LIMA1: variants seen among roughly 807,000 people sequenced by gnomAD.
LIMA1 encodes LIM domain and actin binding 1.
LIMA1 carries 52 observed loss-of-function variants against 62.6 expected under a neutral mutation model. The ratio of observed to expected loss-of-function variants is 0.83; its 90% confidence interval spans 0.67 to 1.05. The LOEUF (loss-of-function observed/expected upper bound fraction) is 1.05, where lower values mean the gene tolerates loss of function less well. Among genes scored for constraint, LIMA1 ranks in the 50% least tolerant of loss-of-function variants. The probability of loss-of-function intolerance (pLI) is 0.00; values close to 1 mark genes in which losing one functional copy is unlikely to be tolerated. For synonymous variants in LIMA1, 302 were observed against 317.8 expected (o/e 0.95, Z 0.53); for missense variants, 780 against 902.2 (o/e 0.86, Z 1.74).
intron 1 of LIMA1, among the ~76,000 whole-genome samples, chr12:50,282,521 T>TTTTA (rs1489399867): frequency 2.0e-5 from 3 of 152,176 alleles, no homozygotes; most frequent in Admixed American, 6.5e-5. Flanking sequence ...TATCTTTTAT[T>TTTTA]TTTATTTATT....
At chr12:50,270,797 C>T (rs1381733396) in intron 1 of LIMA1, among the ~76,000 whole-genome samples, 1 of 151,886 alleles carries the variant, frequency 6.6e-6, no homozygotes, top group African/African-American at 2.4e-5. Context: ...AAAAGAGTAA[C>T]CCCAGTTACA....
At chr12:50,255,682 C>G (rs1451230767) in intron 1 of LIMA1, among the ~76,000 whole-genome samples, 5 of 150,098 alleles carry the variant, frequency 3.3e-5, no homozygotes, top group Admixed American at 2.6e-4. Flanking sequence ...ACCTCTCTTC[C>G]CAATTTGAAT....
At chr12:50,185,906 T>A (rs1367874688) in intron 9 of LIMA1, 2 of 158,134 alleles carry the variant, frequency 1.3e-5, no homozygotes, top group Non-Finnish European at 2.8e-5. Context: ...ATTTCTCACA[T>A]CAACCCTTTT....
At position 50,178,014 on chromosome 12, in the gene LIMA1, G is replaced by T; in HGVS notation, c.1330C>A (p.Gln444Lys). The change falls in exon 11 of 11, where the codon CAA becomes AAA. Residue 444 changes from glutamine to lysine, a missense_variant. Coordinates refer to ENST00000341247, the MANE Select transcript of LIMA1 (RefSeq NM_016357.5). The part of the protein sequence containing the change: ...GRIYCKPHFN[Q>K]LFKSKGNYDE... ...TAGTTGCCCTTAGATTTAAAGAGTTGATTGAAGTGAGGCTTACAATAGATT... is the reference window on the plus strand; with the variant it reads ...TAGTTGCCCTTAGATTTAAAGAGTTTATTGAAGTGAGGCTTACAATAGATT... The T allele has an allele frequency of 6.3e-7, 1 of 1,586,340 alleles. No individual in the cohort carries two copies. Among genetic ancestry groups the T allele is most frequent in the African/African-American group, 1.4e-5 (1 of 73,554 alleles).
chr12:50,271,024 G>A (rs1272701311), intron 1 of LIMA1, among the ~76,000 whole-genome samples: 2 of 152,242 alleles, frequency 1.3e-5, no homozygotes, highest in African/African-American at 2.4e-5. Flanking sequence ...CCCAGGAGGC[G>A]GAGCTTGCAG....
At chr12:50,212,668 C>T (rs1941278440) in intron 4 of LIMA1, among the ~76,000 whole-genome samples, 1 of 151,444 alleles carries the variant, frequency 6.6e-6, no homozygotes, top group East Asian at 1.9e-4. Flanking sequence ...AATGGTAAAA[C>T]CAAATGCTAA....
At chr12:50,208,213 C>T (rs144889083) in intron 4 of LIMA1, among the ~76,000 whole-genome samples, 1,819 of 152,032 alleles carry the variant, frequency 0.012, 15 homozygotes, top group Non-Finnish European at 0.018. Context: ...AGACTGGGCA[C>T]GGTGGCTCAC....
intron 1 of LIMA1, among the ~76,000 whole-genome samples, chr12:50,252,648 G>A (rs1465204763): frequency 2.6e-5 from 4 of 150,986 alleles, no homozygotes; most frequent in Admixed American, 1.3e-4. Flanking sequence ...TAAGGAGTTT[G>A]GGCCATATTT....
intron 2 of LIMA1, among the ~76,000 whole-genome samples, chr12:50,233,131 C>T (rs1385726835): frequency 6.6e-6 from 1 of 152,156 alleles, no homozygotes; most frequent in East Asian, 1.9e-4. Flanking sequence ...ACAAGATCCC[C>T]GTGGATAAGG....
intron 4 of LIMA1, among the ~76,000 whole-genome samples, chr12:50,209,218 A>C (rs925027232): frequency 1.3e-5 from 2 of 152,014 alleles, no homozygotes; most frequent in African/African-American, 4.8e-5. Flanking sequence ...ATGAATTATT[A>C]TACATCCATA....
At chr12:50,269,852 G>A (rs1030179177) in intron 1 of LIMA1, among the ~76,000 whole-genome samples, 10 of 150,454 alleles carry the variant, frequency 6.6e-5, no homozygotes, top group Non-Finnish European at 1.0e-4. Flanking sequence ...CCTGGGAGGC[G>A]GGGGTTGCAG....
chr12:50,252,173 A>G (rs527573795), intron 1 of LIMA1, among the ~76,000 whole-genome samples: 2 of 152,290 alleles, frequency 1.3e-5, no homozygotes, highest in South Asian at 2.1e-4. Context: ...ATGACTTGGG[A>G]CTTAAAGAAC....
At chr12:50,209,353 T>C (rs1319443798) in intron 4 of LIMA1, among the ~76,000 whole-genome samples, 1 of 151,798 alleles carries the variant, frequency 6.6e-6, no homozygotes, top group Non-Finnish European at 1.5e-5. Flanking sequence ...GTGGATCTCT[T>C]GAGGTCAAGA....
chr12:50,267,397 T>C (rs1942152501), intron 1 of LIMA1, among the ~76,000 whole-genome samples: 1 of 151,716 alleles, frequency 6.6e-6, no homozygotes, highest in South Asian at 2.1e-4. Flanking sequence ...TGTATTTTTT[T>C]TTAGAGATAG....
intron 4 of LIMA1, among the ~76,000 whole-genome samples, chr12:50,221,350 C>A (rs2138553151): frequency 6.6e-6 from 1 of 152,276 alleles, no homozygotes; most frequent in South Asian, 2.1e-4. Context: ...GCATATGTAA[C>A]TCATTTTCTA....
intron 8 of LIMA1, among the ~76,000 whole-genome samples, chr12:50,194,097 C>A (rs1940872508): frequency 6.6e-6 from 1 of 150,716 alleles, no homozygotes; most frequent in Admixed American, 6.6e-5. Context: ...AAGCAATTCT[C>A]CTGTCTCAGC....
intron 4 of LIMA1, among the ~76,000 whole-genome samples, chr12:50,207,372 C>T (rs8181651): frequency 0.26 from 39,759 of 151,940 alleles, 5,924 homozygotes; most frequent in East Asian, 0.64. Flanking sequence ...ACATAGTACA[C>T]AGGGAGTATG....
At chr12:50,244,451 C>T (rs1458850938) in intron 2 of LIMA1, among the ~76,000 whole-genome samples, 1 of 152,038 alleles carries the variant, frequency 6.6e-6, no homozygotes, top group East Asian at 1.9e-4. Flanking sequence ...GTTGGGCAGG[C>T]TTGTCTTGAA....
At chr12:50,224,510 C>T (rs1941497083) in intron 3 of LIMA1, 1 of 152,206 alleles carries the variant, frequency 6.6e-6, no homozygotes, top group African/African-American at 2.4e-5. Context: ...TCTGTAAGGT[C>T]TCGTGCCACA....
Sources: gnomAD v4.1 joint callset for allele counts (sites outside exome capture counted in the v4.1 genomes callset) on GRCh38, gnomAD v4.1.1 for gene constraint, MANE v1.5 for transcripts, NCBI Gene and HGNC (gene_info 2026-07-23, HGNC 2026-07-21) for gene names.